The following COBLL1 variants were observed in gnomAD, a reference collection of about 807,000 sequenced individuals.
COBLL1 encodes cordon-bleu WH2 repeat protein like 1, also known as cordon-bleu protein-like 1.
In COBLL1, 50 loss-of-function variants were observed where a neutral mutation model predicts 94.8. That is an observed-to-expected ratio of 0.53 (90% confidence interval 0.42 to 0.67). The LOEUF (loss-of-function observed/expected upper bound fraction) is 0.67. COBLL1 is among the 30% of genes least tolerant of loss of function. COBLL1 has a pLI of 0.00. For missense variants in COBLL1, 1,362 were observed against 1,348.7 expected (o/e 1.01, Z -0.15); for synonymous variants, 448 against 473.8 (o/e 0.95, Z 0.71).
chr2:164,782,053 G>T lies in COBLL1; in HGVS notation c.42-38178C>A, dbSNP rs140317561. ...ATGGAACTTTTACCCTCATAACTTAGGACATTTTTTATCCAGCCAACACTT... is the reference window on the plus strand; with the variant it reads ...ATGGAACTTTTACCCTCATAACTTATGACATTTTTTATCCAGCCAACACTT... On this transcript the variant is annotated intron_variant, in intron 2 of 13. Transcript: ENST00000652658. 3.3e-5 allele frequency among the ~76,000 whole-genome samples: 5 copies of T among 152,002 alleles called. No individual in the cohort carries two copies. In the East Asian group the frequency reaches 9.7e-4, roughly 29 times the overall value.
Position 164,722,427 on chromosome 2 carries a change from G to C in COBLL1, c.757C>G (p.Gln253Glu). The change falls in exon 6 of 14, where the codon CAA becomes GAA. Residue 253 changes from glutamine to glutamate, a missense_variant and splice_region_variant. By Grantham distance (29) the Gln-to-Glu change is conservative (BLOSUM62 2). Coordinates refer to ENST00000652658, the MANE Select transcript of COBLL1 (RefSeq NM_001365672.2). ...FFQRSKKKRD[Q>E]TASAPATPLV... ...ATGCAATATAAGAAAATACTTACTT[G>C]GTCTCGCTTTTTCTTACTGCGTTGA... The C allele has an allele frequency of 6.6e-7, 1 of 1,508,440 alleles. No homozygotes were observed. The highest frequency in any genetic ancestry group is 8.9e-7 in the Non-Finnish European group (1 of 1,124,020). 93.4% of individuals were successfully genotyped at this position (1,508,440 alleles called of 1,614,324 possible). A position where few individuals can be genotyped will look rare whatever the true frequency, so the allele number is the denominator to read the frequency against.
intron 7 of COBLL1, 169 bp from the exon 8 acceptor site, chr2:164,705,274 A>G (rs1684529733): frequency 2.3e-6 from 1 of 433,406 alleles, no homozygotes; most frequent in African/African-American, 2.0e-5. Context: ...GGGCTATGGG[A>G]TAGATATGTA....
At chr2:164,696,643 C>T (rs183160072) in intron 11 of COBLL1, 386 of 152,300 alleles carry the variant, frequency 2.5e-3, no homozygotes, top group African/African-American at 8.8e-3. Flanking sequence ...GATTCTAATT[C>T]AGACCTCCTG....
intron 2 of COBLL1, among the ~76,000 whole-genome samples, chr2:164,819,886 C>T (rs1223874735): frequency 2.7e-5 from 4 of 147,858 alleles, no homozygotes; most frequent in Non-Finnish European, 3.0e-5. Context: ...AGTGCAATGG[C>T]GCCATCTTGG....
At chr2:164,773,772 G>A in intron 2 of COBLL1, 1 of 1,294,158 alleles carries the variant, frequency 7.7e-7, no homozygotes. Flanking sequence ...AGAGAATGCT[G>A]AACCAACTGT....
intron 2 of COBLL1, among the ~76,000 whole-genome samples, chr2:164,819,248 T>C (rs998144883): frequency 5.9e-5 from 9 of 152,128 alleles, no homozygotes; most frequent in Non-Finnish European, 1.3e-4. Flanking sequence ...ATGATAAAAC[T>C]AGCGAAATAT....
At chr2:164,755,650 C>T (rs1215344935) in intron 2 of COBLL1, among the ~76,000 whole-genome samples, 1 of 152,152 alleles carries the variant, frequency 6.6e-6, no homozygotes, top group Non-Finnish European at 1.5e-5. Flanking sequence ...CCCAGAAAGA[C>T]ATAACCTGCT....
Position 164,823,948 on chromosome 2 carries a change from C to G in COBLL1, c.41+17208G>C, listed in dbSNP as rs1685308110. On this transcript the variant is annotated intron_variant, in intron 2 of 13. Transcript: ENST00000652658. Reference sequence around the variant, plus strand: ...AAGGTTGAAAAAAATGCAGAACACACATACACACACGGTTTGCTATGCAAA... The same window carrying G: ...AAGGTTGAAAAAAATGCAGAACACAGATACACACACGGTTTGCTATGCAAA... Among the ~76,000 whole-genome samples the G allele has an allele frequency of 2.6e-5, 4 of 152,178 alleles. No individual in the cohort carries two copies. In the South Asian group the frequency reaches 8.3e-4, roughly 32 times the overall value.
intron 2 of COBLL1, among the ~76,000 whole-genome samples, chr2:164,838,793 TTAAAG>T (rs1461664517): frequency 6.6e-6 from 1 of 152,338 alleles, no homozygotes. Context: ...TCATTGTCTA[TTAAAG>T]TAATGAGTTA....
At chr2:164,767,059 T>A (rs886174607) in intron 2 of COBLL1, among the ~76,000 whole-genome samples, 2 of 152,202 alleles carry the variant, frequency 1.3e-5, no homozygotes, top group African/African-American at 4.8e-5. Flanking sequence ...TAAAGAAAGA[T>A]GTAGTGGGTA....
downstream of COBLL1, among the ~76,000 whole-genome samples, chr2:164,679,815 T>C (rs868467373): frequency 3.0e-4 from 46 of 151,840 alleles, 1 homozygote; most frequent in Middle Eastern, 0.01. Context: ...AGGGATATCA[T>C]TAAGAGAAAT....
At chr2:164,791,477 G>C (rs1044732795) in intron 2 of COBLL1, among the ~76,000 whole-genome samples, 5 of 145,376 alleles carry the variant, frequency 3.4e-5, no homozygotes, top group Non-Finnish European at 7.6e-5. Flanking sequence ...CTATCAGATA[G>C]ATAGACAGAC....
chr2:164,701,112 T>G (rs115071892), intron 9 of COBLL1, among the ~76,000 whole-genome samples: 90 of 152,314 alleles, frequency 5.9e-4, no homozygotes, highest in African/African-American at 2.2e-3. Flanking sequence ...TAAAGGCAAA[T>G]TAATAATTTT....
chr2:164,685,515 TA>T lies in COBLL1; in HGVS notation c.*430del, dbSNP rs1443498288. The T allele has an allele frequency of 6.5e-6, 1 of 152,914 alleles. No homozygotes were observed. 9.5% of individuals were successfully genotyped at this position (152,914 alleles called of 1,614,324 possible). ...CCAAAACAGGCTTTCATATAACTTATAAATATTTCCAATTGCTACACTGAGG... is the reference window on the plus strand; with the variant it reads ...CCAAAACAGGCTTTCATATAACTTATAATATTTCCAATTGCTACACTGAGG... On this transcript the variant is annotated 3_prime_UTR_variant, in exon 14 of 14. Coordinates refer to ENST00000652658, the MANE Select transcript of COBLL1 (RefSeq NM_001365672.2).
chr2:164,786,063 G>A (rs1326943679), intron 2 of COBLL1, among the ~76,000 whole-genome samples: 2 of 152,118 alleles, frequency 1.3e-5, no homozygotes, highest in Non-Finnish European at 2.9e-5. Context: ...GATTTCCAGT[G>A]TTTCTATGTA....
chr2:164,823,794 A>G (rs1237640259), intron 2 of COBLL1, among the ~76,000 whole-genome samples: 1 of 152,140 alleles, frequency 6.6e-6, no homozygotes. Flanking sequence ...CTGTGTAACA[A>G]TCCCTGGGGT....
At chr2:164,800,041 C>A (rs1683683794) in intron 2 of COBLL1, among the ~76,000 whole-genome samples, 2 of 152,122 alleles carry the variant, frequency 1.3e-5, no homozygotes, top group African/African-American at 4.8e-5. Flanking sequence ...GTTCTTAAGA[C>A]ACCAAAGCAT....
intron 2 of COBLL1, among the ~76,000 whole-genome samples, chr2:164,783,472 G>A (rs1346377263): frequency 1.3e-5 from 2 of 149,796 alleles, no homozygotes; most frequent in African/African-American, 2.4e-5. Context: ...AGAGAAGAGA[G>A]CCTCTCAAGT....
intron 2 of COBLL1, among the ~76,000 whole-genome samples, chr2:164,815,214 A>G (rs1438290025): frequency 6.6e-6 from 1 of 152,044 alleles, no homozygotes; most frequent in Non-Finnish European, 1.5e-5. Flanking sequence ...AGCCTGGCCA[A>G]TGTGGTGAAA....
Sources: gnomAD v4.1 joint callset for allele counts (sites outside exome capture counted in the v4.1 genomes callset) on GRCh38, gnomAD v4.1.1 for gene constraint, MANE v1.5 for transcripts, NCBI Gene and HGNC (gene_info 2026-07-23, HGNC 2026-07-21) for gene names.